The following CACNA1E variants were observed in gnomAD, a reference collection of about 807,000 sequenced individuals.
CACNA1E encodes voltage-dependent R-type calcium channel subunit alpha-1E.
In CACNA1E, 40 loss-of-function variants were observed where a neutral mutation model predicts 259.2. The observed-to-expected ratio is 0.15, with a 90% CI of 0.12 to 0.20. The LOEUF (loss-of-function observed/expected upper bound fraction) is 0.20, where lower values mean the gene tolerates loss of function less well. CACNA1E is among the 10% of genes least tolerant of loss of function. CACNA1E has a pLI of 1.00. For synonymous variants in CACNA1E, 1,104 were observed against 1,138.5 expected (o/e 0.97, Z 0.61); for missense variants, 1,874 against 3,040.1 (o/e 0.62, Z 9.02).
chr1:181,758,667 A>G lies in CACNA1E; in HGVS notation c.4495-91A>G. The G allele has an allele frequency of 1.4e-6, 1 of 713,328 alleles. No individual in the cohort carries two copies. Among genetic ancestry groups the G allele is most frequent in the South Asian group, 1.7e-5 (1 of 57,844 alleles). 44.2% of individuals were successfully genotyped at this position (713,328 alleles called of 1,614,324 possible). A position where few individuals can be genotyped will look rare whatever the true frequency, so the allele number is the denominator to read the frequency against. ...CACACACCAGAGTGTCCCACAGGGC[A>G]GGAATGAGAGATGGCCAACCTCAGT... On this transcript the variant is annotated intron_variant, in intron 31 of 47. Coordinates refer to ENST00000367573, the MANE Select transcript of CACNA1E (RefSeq NM_001205293.3). The surrounding 1 kb of genome is among the most constrained non-coding windows in gnomAD (Gnocchi z 4.2).
chr1:181,492,917 G>A (rs1444827775), intron 1 of CACNA1E, among the ~76,000 whole-genome samples: 1 of 152,124 alleles, frequency 6.6e-6, no homozygotes, highest in African/African-American at 2.4e-5. Flanking sequence ...AAACTCTATG[G>A]AACTTCAGAG....
At chr1:181,731,605 C>T (rs927155533) in intron 19 of CACNA1E, among the ~76,000 whole-genome samples, 2 of 152,100 alleles carry the variant, frequency 1.3e-5, no homozygotes, top group East Asian at 1.9e-4. Context: ...TGTAGGTGTG[C>T]GCCCACAGGC....
intron 35 of CACNA1E, among the ~76,000 whole-genome samples, chr1:181,771,081 G>C (rs538949551): frequency 1.3e-5 from 2 of 152,092 alleles, no homozygotes; most frequent in Non-Finnish European, 2.9e-5. Flanking sequence ...TTGCTGCATG[G>C]GTCCCCTTTG....
intron 2 of CACNA1E, among the ~76,000 whole-genome samples, chr1:181,448,116 G>T (rs1321663551): frequency 6.6e-6 from 1 of 152,186 alleles, no homozygotes; most frequent in Admixed American, 6.5e-5. Flanking sequence ...TAATTTACAG[G>T]TTCTGGGGAT....
intron 1 of CACNA1E, among the ~76,000 whole-genome samples, chr1:181,499,439 CAG>C (rs1256045020): frequency 4.6e-5 from 7 of 152,178 alleles, no homozygotes; most frequent in African/African-American, 7.2e-5. Flanking sequence ...GCTGAGAGTA[CAG>C]AGAGGTTTCT....
intron 1 of CACNA1E, among the ~76,000 whole-genome samples, chr1:181,502,303 T>A (rs1238269584): frequency 3.3e-5 from 5 of 152,160 alleles, no homozygotes; most frequent in Non-Finnish European, 7.3e-5. Flanking sequence ...ATTGATAAAT[T>A]TGGAAGGTTA....
chr1:181,627,239 G>T (rs1198486121), intron 6 of CACNA1E, among the ~76,000 whole-genome samples: 1 of 152,134 alleles, frequency 6.6e-6, no homozygotes, highest in Non-Finnish European at 1.5e-5. Context: ...TACAGGTACT[G>T]CAGGGGTTAC....
chr1:181,583,105 CACACACACA>C (rs1651708947), intron 6 of CACNA1E, among the ~76,000 whole-genome samples: 1 of 34,378 alleles, frequency 2.9e-5, no homozygotes. Flanking sequence ...ACTGTTCCTA[CACACACACA>C]CACACACACA....
Position 181,750,498 on chromosome 1 carries a change from T to C in CACNA1E, c.3731+11T>C, listed in dbSNP as rs1657497803. The C allele has an allele frequency of 2.5e-6, 4 of 1,611,886 alleles. No individual in the cohort carries two copies. In the Middle Eastern group the frequency reaches 5.0e-4, roughly 199 times the overall value. On this transcript the variant is annotated intron_variant, in intron 26 of 47. Transcript: ENST00000367573. The stretch of plus-strand genomic sequence containing the variant: ...TAGGAACGCTTTGGGGTAAATATGT[T>C]CGATTATCTTTGAAGTAAACGATAC...
intron 3 of CACNA1E, among the ~76,000 whole-genome samples, chr1:181,534,553 G>A (rs913323849): frequency 2.6e-5 from 4 of 152,106 alleles, no homozygotes; most frequent in Non-Finnish European, 5.9e-5. Context: ...ATTGGGTACA[G>A]TATACACTGC....
intron 37 of CACNA1E, among the ~76,000 whole-genome samples, chr1:181,773,305 C>T (rs556254158): frequency 2.8e-4 from 43 of 152,264 alleles, no homozygotes; most frequent in African/African-American, 9.9e-4. Context: ...GGGCAGCCCA[C>T]GCAGTAGTCT....
At chr1:181,577,715 G>A in intron 3 of CACNA1E, 51 bp from the exon 4 acceptor site, 1 of 1,272,128 alleles carries the variant, frequency 7.9e-7, no homozygotes, top group Non-Finnish European at 1.1e-6. Flanking sequence ...CATGGAACAA[G>A]AGGGGAAAAC....
chr1:181,702,954 T>A (rs1652423084), intron 7 of CACNA1E, among the ~76,000 whole-genome samples: 1 of 152,224 alleles, frequency 6.6e-6, no homozygotes, highest in Non-Finnish European at 1.5e-5. Context: ...TAAGCTCTGT[T>A]GAGGACAAAG....
intron 3 of CACNA1E, among the ~76,000 whole-genome samples, chr1:181,566,044 A>G (rs1042221263): frequency 2.6e-5 from 4 of 152,218 alleles, no homozygotes; most frequent in Admixed American, 6.5e-5. Flanking sequence ...TCTGAAGCAC[A>G]GTTTTGGTAA....
At chr1:181,402,807 AC>A (rs1657197403) in intron 1 of CACNA1E, among the ~76,000 whole-genome samples, 1 of 152,178 alleles carries the variant, frequency 6.6e-6, no homozygotes, top group Non-Finnish European at 1.5e-5. Flanking sequence ...GGGCCCATCT[AC>A]TTTCAAAGTA....
At chr1:181,367,340 T>C (rs1313261618) in intron 1 of CACNA1E, among the ~76,000 whole-genome samples, 1 of 152,012 alleles carries the variant, frequency 6.6e-6, no homozygotes, top group Non-Finnish European at 1.5e-5. Context: ...TTTTTTTTCC[T>C]GTTTGGGTTC....
intron 3 of CACNA1E, among the ~76,000 whole-genome samples, chr1:181,536,941 T>C (rs997406006): frequency 6.6e-6 from 1 of 152,050 alleles, no homozygotes; most frequent in African/African-American, 2.4e-5. Context: ...ATCTTCCTGC[T>C]ACTGTATTCA....
chr1:181,531,456 G>T (rs1572120468), intron 3 of CACNA1E, among the ~76,000 whole-genome samples: 1 of 152,094 alleles, frequency 6.6e-6, no homozygotes. Flanking sequence ...CTGTTCTCTA[G>T]GGTGACTTGT....
At chr1:181,549,808 T>C (rs1357480864) in intron 3 of CACNA1E, among the ~76,000 whole-genome samples, 5 of 152,188 alleles carry the variant, frequency 3.3e-5, no homozygotes, top group Admixed American at 2.6e-4. Flanking sequence ...ACGGCATGCA[T>C]GTCACGGCAA....
Sources: allele counts gnomAD v4.1 joint callset (sites outside exome capture counted in the v4.1 genomes callset), GRCh38; gene constraint gnomAD v4.1.1; non-coding constraint Gnocchi (gnomAD v3.1); transcripts MANE v1.5; gene names NCBI Gene and HGNC (gene_info 2026-07-23, HGNC 2026-07-21).